The following TENM4 variants were observed in gnomAD, a reference collection of about 807,000 sequenced individuals.
The protein encoded by TENM4 is teneurin-4.
A neutral mutation model predicts 243.3 loss-of-function variants in TENM4; 82 were observed. The ratio of observed to expected loss-of-function variants is 0.34; its 90% CI spans 0.28 to 0.40. The LOEUF (loss-of-function observed/expected upper bound fraction) is 0.40. Ranked by LOEUF, TENM4 falls within the 10% of genes least tolerant of loss-of-function variation. The pLI is 1.00. For synonymous variants in TENM4, 1,412 were observed against 1,456.3 expected (o/e 0.97, Z 0.69); for missense variants, 3,138 against 3,673.3 (o/e 0.85, Z 3.77).
intron 3 of TENM4, among the ~76,000 whole-genome samples, chr11:79,157,739 G>A (rs1163348816): frequency 6.6e-6 from 1 of 152,170 alleles, no homozygotes; most frequent in Non-Finnish European, 1.5e-5. Flanking sequence ...TCCCCTGAGG[G>A]TTCCATACCT....
At chr11:79,043,705 T>C (rs1395587723) in intron 6 of TENM4, among the ~76,000 whole-genome samples, 1 of 152,106 alleles carries the variant, frequency 6.6e-6, no homozygotes, top group East Asian at 1.9e-4. Flanking sequence ...TCTATAAACA[T>C]CTGATGAATG....
At chr11:79,223,766 C>T (rs1864207402) in intron 2 of TENM4, among the ~76,000 whole-genome samples, 1 of 152,172 alleles carries the variant, frequency 6.6e-6, no homozygotes, top group Non-Finnish European at 1.5e-5. Context: ...CACTAGTTTC[C>T]CTGGGCAGCA....
chr11:79,123,446 A>G (rs989890736), intron 4 of TENM4, among the ~76,000 whole-genome samples: 4 of 152,174 alleles, frequency 2.6e-5, no homozygotes, highest in Admixed American at 6.5e-5. Context: ...CCTTGTTGCC[A>G]GTAGTCAAGA....
At chr11:79,096,656 C>T (rs1313790470) in intron 4 of TENM4, 2 of 152,334 alleles carry the variant, frequency 1.3e-5, no homozygotes, top group East Asian at 1.9e-4. Flanking sequence ...CCCTGACCCA[C>T]CCCCGGCAAG....
chr11:78,830,574 G>C (rs1167606286), intron 12 of TENM4, among the ~76,000 whole-genome samples: 2 of 152,212 alleles, frequency 1.3e-5, no homozygotes, highest in Non-Finnish European at 2.9e-5. Flanking sequence ...TTAGCAGGAC[G>C]CAGGTGCACA....
chr11:79,048,084 G>T (rs982188401), intron 6 of TENM4, among the ~76,000 whole-genome samples: 2 of 152,024 alleles, frequency 1.3e-5, no homozygotes, highest in African/African-American at 4.8e-5. Flanking sequence ...TTTGATTTGG[G>T]ATAAAAAAGG....
At chr11:79,323,162 T>C (rs1215364474) in intron 1 of TENM4, among the ~76,000 whole-genome samples, 1 of 152,210 alleles carries the variant, frequency 6.6e-6, no homozygotes, top group African/African-American at 2.4e-5. Context: ...TACTGGAAAT[T>C]TGCTATAATG....
intron 2 of TENM4, among the ~76,000 whole-genome samples, chr11:79,256,924 G>A (rs1855710391): frequency 6.6e-6 from 1 of 152,206 alleles, no homozygotes; most frequent in Non-Finnish European, 1.5e-5. Context: ...ACCAAGATGA[G>A]CAAGACATAA....
chr11:78,985,787 AT>A (rs1857904189), intron 6 of TENM4, among the ~76,000 whole-genome samples: 1 of 151,562 alleles, frequency 6.6e-6, no homozygotes, highest in Non-Finnish European at 1.5e-5. Context: ...TGTCTCAGTC[AT>A]TTTCTTTACG....
rs187165525 is a variant in TENM4, at chr11:79,180,838, A to C, written c.-162-32032T>G. 1.5e-4 allele frequency among the ~76,000 whole-genome samples: 23 copies of C among 151,454 alleles called. 1 individual carries two copies. The highest frequency in any genetic ancestry group is 1.5e-3 in the Admixed American group (22 of 15,148). ...AAAAATAAGTAAAGAAGACAAATAG[A>C]TTATCTGAATAGTCATATATATACA... On this transcript the variant is annotated intron_variant, in intron 3 of 33. Transcript: ENST00000278550.
At chr11:79,379,946 T>G (rs1038741064) in intron 1 of TENM4, among the ~76,000 whole-genome samples, 1 of 152,108 alleles carries the variant, frequency 6.6e-6, no homozygotes, top group Non-Finnish European at 1.5e-5. Context: ...GATCAAGAGC[T>G]CTGCTTTAGA....
chr11:79,080,267 A>G (rs1350113566), intron 4 of TENM4, among the ~76,000 whole-genome samples: 2 of 152,308 alleles, frequency 1.3e-5, no homozygotes, highest in Middle Eastern at 3.4e-3. Flanking sequence ...AGACCCGGGG[A>G]CAAGGGGTTG....
chr11:78,708,318 T>A (rs1354286584), intron 27 of TENM4, 43 bp downstream of exon 27: 2 of 1,609,434 alleles, frequency 1.2e-6, no homozygotes, highest in Non-Finnish European at 1.7e-6. Flanking sequence ...GATGAGAGGA[T>A]GAGTGGGCAG....
Position 79,133,666 on chromosome 11 carries a change from GTTT to G in TENM4, c.-66+15041_-66+15043del, listed in dbSNP as rs534211877. On this transcript the variant is annotated intron_variant, in intron 4 of 33. Coordinates refer to ENST00000278550, the MANE Select transcript of TENM4 (RefSeq NM_001098816.3). ...AAAAATAATTCACCTGATCAAGTGG[GTTT>G]CACACCAGGGATGCAGGGATGGTTT... Among the ~76,000 whole-genome samples the G allele has an allele frequency of 6.6e-5, 10 of 152,214 alleles. No individual in the cohort carries two copies. In the South Asian group the frequency reaches 2.1e-3, roughly 32 times the overall value.
chr11:79,137,081 C>T (rs547290959), intron 4 of TENM4, among the ~76,000 whole-genome samples: 1 of 152,256 alleles, frequency 6.6e-6, no homozygotes, highest in African/African-American at 2.4e-5. Flanking sequence ...TGGTGATCCA[C>T]TGGCAAAAAT....
intron 1 of TENM4, among the ~76,000 whole-genome samples, chr11:79,328,406 A>C (rs1347075855): frequency 6.6e-6 from 1 of 152,214 alleles, no homozygotes; most frequent in Non-Finnish European, 1.5e-5. Context: ...GAAGCCTCAG[A>C]AAATCACAGC....
At chr11:78,899,566 G>GGGT (rs1855881081) in intron 7 of TENM4, among the ~76,000 whole-genome samples, 1 of 126,514 alleles carries the variant, frequency 7.9e-6, no homozygotes, top group Non-Finnish European at 1.7e-5. Flanking sequence ...AAGCGGGGGG[G>GGGT]GGGGGAAAAA....
intron 6 of TENM4, among the ~76,000 whole-genome samples, chr11:79,046,330 C>G (rs879854154): frequency 2.6e-5 from 4 of 152,044 alleles, no homozygotes; most frequent in Non-Finnish European, 5.9e-5. Context: ...GTTCATGGAG[C>G]ACCAAAAAGC....
At chr11:79,241,494 A>T (rs1855416998) in intron 2 of TENM4, among the ~76,000 whole-genome samples, 1 of 152,168 alleles carries the variant, frequency 6.6e-6, no homozygotes, top group East Asian at 1.9e-4. Context: ...CTCACTCCCA[A>T]AATCATAGGA....
Sources: allele counts gnomAD v4.1 joint callset (sites outside exome capture counted in the v4.1 genomes callset), GRCh38; gene constraint gnomAD v4.1.1; transcripts MANE v1.5; gene names NCBI Gene and HGNC (gene_info 2026-07-23, HGNC 2026-07-21).